SLIT3: variants seen among roughly 807,000 people sequenced by gnomAD.
The protein encoded by SLIT3 is slit guidance ligand 3.
In SLIT3, 68 loss-of-function variants were observed where a neutral mutation model predicts 184.0. That is an observed-to-expected ratio of 0.37 (90% CI 0.30 to 0.45). The LOEUF is 0.45. SLIT3 is among the 20% of genes least tolerant of loss of function. The pLI is 1.00. For missense variants in SLIT3, 1,707 were observed against 2,026.0 expected, an observed-to-expected ratio of 0.84 and a Z score of 3.02; for synonymous variants, 831 against 828.6, an observed-to-expected ratio of 1.00 and a Z score of -0.05.
At chr5:168,950,587 T>C (rs890365383) in intron 4 of SLIT3, among the ~76,000 whole-genome samples, 1 of 152,256 alleles carries the variant, frequency 6.6e-6, no homozygotes, top group African/African-American at 2.4e-5. Flanking sequence ...GATAAAACTT[T>C]ATTTACAGAA....
At chr5:168,844,168 C>T (rs2113713240) in intron 6 of SLIT3, among the ~76,000 whole-genome samples, 1 of 152,262 alleles carries the variant, frequency 6.6e-6, no homozygotes, top group South Asian at 2.1e-4. Flanking sequence ...GCACTAACCC[C>T]TCTCTCTGGC....
intron 4 of SLIT3, among the ~76,000 whole-genome samples, chr5:169,034,080 G>A (rs1757143052): frequency 6.6e-6 from 1 of 152,094 alleles, no homozygotes; most frequent in Admixed American, 6.5e-5. Context: ...CCAAAGTGCT[G>A]GGATTACAGG....
intron 4 of SLIT3, among the ~76,000 whole-genome samples, chr5:169,128,471 C>T (rs1162714931): frequency 6.6e-6 from 1 of 152,036 alleles, no homozygotes; most frequent in Non-Finnish European, 1.5e-5. Context: ...CTGTTTTGCC[C>T]AGGCTGGAGT....
intron 5 of SLIT3, chr5:168,844,896 ATTTTTT>A (rs34420406): frequency 3.6e-4 from 84 of 230,860 alleles, no homozygotes; most frequent in East Asian, 5.0e-4. Context: ...TTAATTGCGC[ATTTTTT>A]TTTTTTTTTT....
chr5:168,898,715 G>A (rs1760770169), intron 4 of SLIT3, among the ~76,000 whole-genome samples: 1 of 152,100 alleles, frequency 6.6e-6, no homozygotes, highest in Non-Finnish European at 1.5e-5. Flanking sequence ...TGTATATAAA[G>A]TAATGGGGCC....
chr5:168,937,043 C>G (rs916663231), intron 4 of SLIT3, among the ~76,000 whole-genome samples: 3 of 152,088 alleles, frequency 2.0e-5, no homozygotes, highest in African/African-American at 7.2e-5. Flanking sequence ...TCAGAAAAGG[C>G]TTTCTGAAGG....
At chr5:169,154,334 ACTT>A (rs979896266) in intron 4 of SLIT3, among the ~76,000 whole-genome samples, 15 of 152,150 alleles carry the variant, frequency 9.9e-5, no homozygotes, top group Admixed American at 5.2e-4. Flanking sequence ...TGCTTCTATT[ACTT>A]CTAATTGTAC....
intron 4 of SLIT3, among the ~76,000 whole-genome samples, chr5:168,916,807 T>C (rs1226938243): frequency 6.6e-6 from 1 of 152,234 alleles, no homozygotes; most frequent in Non-Finnish European, 1.5e-5. Context: ...ATTCTTCTTC[T>C]TTTTTTCTCC....
In SLIT3 at chr5:168,904,399, T is replaced by C. The variant is rs992546413; in HGVS notation, c.414-21063A>G. On this transcript the variant is annotated intron_variant, in intron 4 of 35. Transcript: ENST00000519560. Reference sequence around the variant, plus strand: ...GTCTTTTGGTATTCACAGCAACAAATCAGCTCCCCTCAGAGAGGCAGTTAT... The same window carrying C: ...GTCTTTTGGTATTCACAGCAACAAACCAGCTCCCCTCAGAGAGGCAGTTAT... Among the ~76,000 whole-genome samples, 5 of 152,180 alleles carry C rather than the reference T, an allele frequency of 3.3e-5. No homozygotes were observed. In the East Asian group the frequency reaches 9.7e-4, roughly 29 times the overall value.
At chr5:168,910,578 C>T (rs775313364) in intron 4 of SLIT3, among the ~76,000 whole-genome samples, 16 of 151,732 alleles carry the variant, frequency 1.1e-4, no homozygotes, top group Non-Finnish European at 2.4e-4. Flanking sequence ...CCTGTCTCTA[C>T]TAAAAATTAC....
At chr5:168,753,799 C>A in intron 17 of SLIT3, 65 bp downstream of exon 17, 1 of 1,567,178 alleles carries the variant, frequency 6.4e-7, no homozygotes. Context: ...CGTAGTCTGT[C>A]TCTAATTCCC....
At chr5:169,002,079 C>T (rs143789570) in intron 4 of SLIT3, among the ~76,000 whole-genome samples, 1 of 151,592 alleles carries the variant, frequency 6.6e-6, no homozygotes, top group Non-Finnish European at 1.5e-5. Context: ...TTTGAGAGGC[C>T]GAGGCAGGCA....
chr5:169,250,297 C>A (rs141535253), intron 2 of SLIT3, among the ~76,000 whole-genome samples: 1,605 of 152,222 alleles, frequency 0.011, 35 homozygotes, highest in African/African-American at 0.035. Context: ...TCAGAAATGG[C>A]AAACAATGTT....
In SLIT3 at chr5:168,789,543, A is replaced by G. The variant is rs201318089; in HGVS notation, c.1079+17T>C. The G allele has an allele frequency of 3.5e-5, 56 of 1,606,994 alleles. No homozygotes were observed. Among genetic ancestry groups the G allele is most frequent in the Middle Eastern group, 1.6e-4 (1 of 6,078 alleles). On this transcript the variant is annotated intron_variant, in intron 11 of 35. Coordinates refer to ENST00000519560, the MANE Select transcript of SLIT3 (RefSeq NM_003062.4). ...CCCCCTCCCCTCACCTCAGGCCCCA[A>G]CTCGGGCCCCACTTACAGCGATGTG...
At chr5:168,838,322 T>C (rs1164436309) in intron 6 of SLIT3, among the ~76,000 whole-genome samples, 1 of 152,114 alleles carries the variant, frequency 6.6e-6, no homozygotes, top group Non-Finnish European at 1.5e-5. Flanking sequence ...GTTCCTAGGA[T>C]GTGCCTCATA....
intron 4 of SLIT3, among the ~76,000 whole-genome samples, chr5:169,110,919 G>A (rs1479671162): frequency 6.6e-6 from 1 of 152,196 alleles, no homozygotes; most frequent in African/African-American, 2.4e-5. Context: ...TCCAGTGGGT[G>A]AAGACCGAGC....
chr5:168,952,167 A>G (rs780389460), intron 4 of SLIT3, among the ~76,000 whole-genome samples: 1 of 152,220 alleles, frequency 6.6e-6, no homozygotes, highest in African/African-American at 2.4e-5. Flanking sequence ...CGCCTGTAAT[A>G]TTTTAAAAGT....
chr5:169,231,273 A>G lies in SLIT3; in HGVS notation c.341+13432T>C, dbSNP rs570741034. Among the ~76,000 whole-genome samples the G allele has an allele frequency of 1.4e-4, 22 of 152,312 alleles. No individual in the cohort carries two copies. In the Middle Eastern group the frequency reaches 0.017, roughly 118 times the overall value. On this transcript the variant is annotated intron_variant, in intron 3 of 35. Coordinates refer to ENST00000519560, the MANE Select transcript of SLIT3 (RefSeq NM_003062.4). Reference sequence around the variant, plus strand: ...AAATCAAATTTGTACAGCCTGAAGCATGTTCACCAACTGAACAGATCCATG... The same window carrying G: ...AAATCAAATTTGTACAGCCTGAAGCGTGTTCACCAACTGAACAGATCCATG...
At chr5:169,094,780 T>C (rs1442871191) in intron 4 of SLIT3, among the ~76,000 whole-genome samples, 2 of 152,268 alleles carry the variant, frequency 1.3e-5, no homozygotes, top group Non-Finnish European at 2.9e-5. Flanking sequence ...AACCTGCCAC[T>C]GCTTTGTAAA....
Sources: gnomAD v4.1 joint callset for allele counts (sites outside exome capture counted in the v4.1 genomes callset) on GRCh38, gnomAD v4.1.1 for gene constraint, MANE v1.5 for transcripts, NCBI Gene and HGNC (gene_info 2026-07-23, HGNC 2026-07-21) for gene names.